The following KRT222 variants were observed in gnomAD, a reference collection of about 807,000 sequenced individuals.
The protein encoded by KRT222 is keratin 222.
In KRT222, 23 loss-of-function variants were observed where a neutral mutation model predicts 35.0. The ratio of observed to expected loss-of-function variants is 0.66; its 90% CI spans 0.47 to 0.93. The LOEUF is 0.93. Among genes scored for constraint, KRT222 ranks in the 40% least tolerant of loss-of-function variants. The pLI, the probability that KRT222 is intolerant of heterozygous loss-of-function variation, is 0.00. For missense variants in KRT222, 339 were observed against 346.3 expected (o/e 0.98, Z 0.17); for synonymous variants, 108 against 118.8 (o/e 0.91, Z 0.59).
chr17:40,665,158 G>GCAGTCTGCT lies in KRT222; in HGVS notation c.-68_-60dup. ...CTTATCGATAGGATGAGTCGCTGCG[G>GCAGTCTGCT]CAGTCTGCTCGGTCTGCGCGGAAGG... is the stretch of plus-strand genomic sequence containing the variant. On this transcript the variant is annotated 5_prime_UTR_variant, in exon 1 of 6. Coordinates refer to ENST00000394052, the MANE Select transcript of KRT222 (RefSeq NM_152349.3). 1 of 1,522,160 alleles carries GCAGTCTGCT rather than the reference G, an allele frequency of 6.6e-7. No homozygotes were observed. The highest frequency in any genetic ancestry group is 9.1e-7 in the Non-Finnish European group (1 of 1,099,842). 94.3% of individuals were successfully genotyped at this position (1,522,160 alleles called of 1,614,324 possible). A position where few individuals can be genotyped will look rare whatever the true frequency, so the allele number is the denominator to read the frequency against.
chr17:40,656,399 G>A lies in KRT222; in HGVS notation c.*3C>T. 2.5e-6 allele frequency: 4 copies of A among 1,607,982 alleles called. No individual in the cohort carries two copies. The highest frequency in any genetic ancestry group is 1.3e-5 in the African/African-American group (1 of 74,862). On this transcript the variant is annotated 3_prime_UTR_variant, in exon 6 of 6. Coordinates refer to ENST00000394052, the MANE Select transcript of KRT222 (RefSeq NM_152349.3). ...TCCAATCAAGTCAAATACTATCTTT[G>A]GATTAATTAGCTGTTGATGGAGGTT...
In KRT222 at chr17:40,656,548, A is replaced by G. The variant is rs1184499878; in HGVS notation, c.742T>C (p.Ser248Pro). Residue 248 changes from serine (S) to proline (P), a missense_variant, in exon 6 of 6, where the codon TCT (serine) becomes CCT (proline). Coordinates refer to ENST00000394052, the MANE Select transcript of KRT222 (RefSeq NM_152349.3). ...GCTAAATGAAGATCAAATCGAAGAGAAACAGACTTTTTCCTCAATCGAGGG... is the reference window on the plus strand; with the variant it reads ...GCTAAATGAAGATCAAATCGAAGAGGAACAGACTTTTTCCTCAATCGAGGG... ...DNPRLRKKSVSLRFDLHLAAT... is the reference protein window; with the variant it reads ...DNPRLRKKSVPLRFDLHLAAT... 6.2e-7 allele frequency: 1 copy of G among 1,613,858 alleles called. No homozygotes were observed. Among genetic ancestry groups the G allele is most frequent in the South Asian group, 1.1e-5 (1 of 91,082 alleles).
chr17:40,662,398 T>C (rs1408994414), intron 1 of KRT222, among the ~76,000 whole-genome samples: 1 of 152,188 alleles, frequency 6.6e-6, no homozygotes, highest in African/African-American at 2.4e-5. Flanking sequence ...GGAGGAAGGA[T>C]TGAAAATTAG....
intron 3 of KRT222, among the ~76,000 whole-genome samples, chr17:40,659,546 C>T (rs2037368535): frequency 6.6e-6 from 1 of 152,106 alleles, no homozygotes; most frequent in Admixed American, 6.5e-5. Context: ...ACCTTAGCCT[C>T]CCAAGTAGCT....
intron 2 of KRT222, among the ~76,000 whole-genome samples, chr17:40,661,005 C>T (rs975948676): frequency 6.6e-6 from 1 of 152,220 alleles, no homozygotes; most frequent in African/African-American, 2.4e-5. Flanking sequence ...AGTGCAGTGG[C>T]ATGATCTCAG....
At chr17:40,662,562 T>C (rs1381631985) in intron 1 of KRT222, among the ~76,000 whole-genome samples, 3 of 152,228 alleles carry the variant, frequency 2.0e-5, no homozygotes, top group Admixed American at 6.5e-5. Context: ...TAAGTTGTTA[T>C]AGGCAATAAG....
rs1411418253 is a variant in KRT222, at chr17:40,656,256, G to GT, written c.*145dup. ...TAGATTCAGAGAAATGTCCTTTATTGTTTTTTTCTTCTGAAGAGAACCACA... is the reference window on the plus strand; with the variant it reads ...TAGATTCAGAGAAATGTCCTTTATTGTTTTTTTTCTTCTGAAGAGAACCACA... On this transcript the variant is annotated 3_prime_UTR_variant, in exon 6 of 6. Transcript: ENST00000394052. 2.6e-5 allele frequency: 15 copies of GT among 585,920 alleles called. 1 individual carries two copies. In the South Asian group the frequency reaches 2.8e-4, roughly 11 times the overall value. 36.3% of individuals were successfully genotyped at this position (585,920 alleles called of 1,614,324 possible). A position where few individuals can be genotyped will look rare whatever the true frequency, so the allele number is the denominator to read the frequency against.
chr17:40,656,530 G>A lies in KRT222; in HGVS notation c.760C>T (p.His254Tyr). 1 of 1,613,612 alleles carries A rather than the reference G, an allele frequency of 6.2e-7. No homozygotes were observed. The highest frequency in any genetic ancestry group is 8.5e-7 in the Non-Finnish European group (1 of 1,179,582). The change falls in exon 6 of 6, where the codon CAT (histidine) becomes TAT (tyrosine). Residue 254 changes from histidine to tyrosine, a missense_variant. Coordinates refer to ENST00000394052, the MANE Select transcript of KRT222 (RefSeq NM_152349.3). ...CACCCTTCATCAGTGGCTGCTAAAT[G>A]AAGATCAAATCGAAGAGAAACAGAC... ...KKSVSLRFDL[H>Y]LAATDEGCLE...
In KRT222 at chr17:40,665,111, C is replaced by A; in HGVS notation, c.-12G>T. Reference sequence around the variant, plus strand: ...TGGGACAGTTCCATTCTTTTCCCATCCTCCACCTTGGCTAACTGAACCTTA... The same window carrying A: ...TGGGACAGTTCCATTCTTTTCCCATACTCCACCTTGGCTAACTGAACCTTA... On this transcript the variant is annotated 5_prime_UTR_variant, in exon 1 of 6. Transcript: ENST00000394052. 6.2e-7 allele frequency: 1 copy of A among 1,613,468 alleles called. No homozygotes were observed.
At position 40,656,274 on chromosome 17, in the gene KRT222, G is replaced by T; in HGVS notation, c.*128C>A. On this transcript the variant is annotated 3_prime_UTR_variant, in exon 6 of 6. Transcript: ENST00000394052. The stretch of plus-strand genomic sequence containing the variant: ...CTTTATTGTTTTTTTCTTCTGAAGA[G>T]AACCACATATTGATCATAACATTTT... 1 of 632,412 alleles carries T rather than the reference G, an allele frequency of 1.6e-6. No homozygotes were observed. The highest frequency in any genetic ancestry group is 2.6e-5 in the East Asian group (1 of 37,864). 39.2% of individuals were successfully genotyped at this position (632,412 alleles called of 1,614,324 possible).
intron 2 of KRT222, 116 bp downstream of exon 2, chr17:40,661,800 A>G: frequency 7.7e-7 from 1 of 1,290,530 alleles, no homozygotes; most frequent in Non-Finnish European, 1.1e-6. Context: ...GATAGAATTC[A>G]GTGGCCTTGA....
In KRT222 at chr17:40,659,937, G is replaced by A. The variant is rs758753617; in HGVS notation, c.446+50C>T. On this transcript the variant is annotated intron_variant, in intron 3 of 5. Transcript: ENST00000394052. ...TCTGACTACATCAACAATGGCATAAGTGGCTCTGTATTTCTGGCCCCTTGT... is the reference window on the plus strand; with the variant it reads ...TCTGACTACATCAACAATGGCATAAATGGCTCTGTATTTCTGGCCCCTTGT... The A allele has an allele frequency of 2.0e-5, 29 of 1,465,102 alleles. No homozygotes were observed. In the African/African-American group the frequency reaches 3.2e-4, roughly 16 times the overall value. 90.8% of individuals were successfully genotyped at this position (1,465,102 alleles called of 1,614,324 possible).
At chr17:40,659,216 C>T (rs575120177) in intron 3 of KRT222, among the ~76,000 whole-genome samples, 45 of 149,954 alleles carry the variant, frequency 3.0e-4, no homozygotes, top group South Asian at 8.4e-4. Flanking sequence ...AGTGCAGTGG[C>T]GCAGTCTCGG....
At chr17:40,663,440 C>G (rs572485325) in intron 1 of KRT222, among the ~76,000 whole-genome samples, 2 of 152,234 alleles carry the variant, frequency 1.3e-5, no homozygotes, top group African/African-American at 4.8e-5. Flanking sequence ...GTCTGGATAC[C>G]CTGCTGGAGA....
At chr17:40,656,726 T>C (rs1198789829) in intron 5 of KRT222, 96 bp from the exon 6 acceptor site, 1 of 646,068 alleles carries the variant, frequency 1.5e-6, no homozygotes, top group Non-Finnish European at 2.6e-6. Flanking sequence ...ATCAAGAAAT[T>C]TGTATAATTT....
In KRT222 at chr17:40,654,782, T is replaced by A. The variant is rs2037333425; in HGVS notation, c.*1620A>T. 1 of 151,862 alleles carries A rather than the reference T, an allele frequency of 6.6e-6. No individual in the cohort carries two copies. Among genetic ancestry groups the A allele is most frequent in the African/African-American group, 2.4e-5 (1 of 41,416 alleles). 9.4% of individuals were successfully genotyped at this position (151,862 alleles called of 1,614,324 possible). ...ATAAAGTTAGTAGCATTTAGCAATA[T>A]CAAATGAAACATTTTTTATGTATAG... On this transcript the variant is annotated 3_prime_UTR_variant, in exon 6 of 6. Coordinates refer to ENST00000394052, the MANE Select transcript of KRT222 (RefSeq NM_152349.3).
Position 40,655,038 on chromosome 17 carries a change from C to CATATATATAAATTATATATATGT in KRT222, c.*1341_*1363dup, listed in dbSNP as rs1567852179. The CATATATATAAATTATATATATGT allele has an allele frequency of 2.0e-4, 18 of 90,492 alleles. No homozygotes were observed. Among genetic ancestry groups the CATATATATAAATTATATATATGT allele is most frequent in the Admixed American group, 4.6e-4 (4 of 8,612 alleles). 5.6% of individuals were successfully genotyped at this position (90,492 alleles called of 1,614,324 possible). ...TTTTTCTGGTTGAAATATATATATA[C>CATATATATAAATTATATATATGT]ATATATATAAATTATATATATGTAT... On this transcript the variant is annotated 3_prime_UTR_variant, in exon 6 of 6. Coordinates refer to ENST00000394052, the MANE Select transcript of KRT222 (RefSeq NM_152349.3).
chr17:40,658,977 G>T (rs1361183977), intron 3 of KRT222, among the ~76,000 whole-genome samples: 1 of 152,144 alleles, frequency 6.6e-6, no homozygotes, highest in African/African-American at 2.4e-5. Flanking sequence ...TTAGAGTAAT[G>T]ATTACTGTTT....
chr17:40,655,050 T>TTA lies in KRT222; in HGVS notation c.*1350_*1351dup, dbSNP rs1036301282. 2 of 146,392 alleles carry TTA rather than the reference T, an allele frequency of 1.4e-5. No individual in the cohort carries two copies. The highest frequency in any genetic ancestry group is 1.4e-4 in the Admixed American group (2 of 14,498). The allele number at this position is 146,392 out of a possible 1,614,324, so 9.1% of individuals were successfully genotyped here. A position where few individuals can be genotyped will look rare whatever the true frequency, so the allele number is the denominator to read the frequency against. ...AAATATATATATACATATATATAAATTATATATATGTATATATATAATAAG... is the reference window on the plus strand; with the variant it reads ...AAATATATATATACATATATATAAATTATATATATATGTATATATATAATAAG... On this transcript the variant is annotated 3_prime_UTR_variant, in exon 6 of 6. Transcript: ENST00000394052.
Sources: gnomAD v4.1 joint callset for allele counts (sites outside exome capture counted in the v4.1 genomes callset) on GRCh38, gnomAD v4.1.1 for gene constraint, MANE v1.5 for transcripts, NCBI Gene and HGNC (gene_info 2026-07-23, HGNC 2026-07-21) for gene names.